Variants in DNAJB13 observed in about 807,000 individuals in gnomAD.
DNAJB13 encodes dnaJ homolog subfamily B member 13.
In DNAJB13, 22 loss-of-function variants were observed where a neutral mutation model predicts 35.6. The ratio of observed to expected loss-of-function variants is 0.62; its 90% CI spans 0.44 to 0.88. The LOEUF (loss-of-function observed/expected upper bound fraction) is 0.88. Among genes scored for constraint, DNAJB13 ranks in the 40% least tolerant of loss-of-function variants. The pLI is 0.00. For missense variants in DNAJB13, 370 were observed against 384.3 expected (o/e 0.96, Z 0.31); for synonymous variants, 136 against 144.2 (o/e 0.94, Z 0.41).
chr11:73,968,855 A>C (rs1951200896), intron 6 of DNAJB13, among the ~76,000 whole-genome samples: 1 of 151,636 alleles, frequency 6.6e-6, no homozygotes, highest in Non-Finnish European at 1.5e-5. Context: ...GCGCATTGTC[A>C]CACCTCCGTT....
Position 73,951,155 on chromosome 11 carries a change from C to T in DNAJB13, c.68+18C>T. 1 of 1,613,872 alleles carries T rather than the reference C, an allele frequency of 6.2e-7. No individual in the cohort carries two copies. Among genetic ancestry groups the T allele is most frequent in the South Asian group, 1.1e-5 (1 of 91,064 alleles). ...AAGCAGGCGTAAGTTGGGGTGGGAG[C>T]CAGGCCTTAGGGGTGTGCTGGGGCA... On this transcript the variant is annotated intron_variant, in intron 1 of 7. Transcript: ENST00000339764.
At chr11:73,957,867 G>A (rs1950800335) in intron 1 of DNAJB13, among the ~76,000 whole-genome samples, 1 of 152,228 alleles carries the variant, frequency 6.6e-6, no homozygotes, top group Non-Finnish European at 1.5e-5. Flanking sequence ...ATGAAGGGAA[G>A]GGAGCAGGGG....
At chr11:73,967,041 C>T (rs749483823) in intron 5 of DNAJB13, among the ~76,000 whole-genome samples, 16 of 152,084 alleles carry the variant, frequency 1.1e-4, no homozygotes, top group South Asian at 6.2e-4. Context: ...TTAGTAGAGA[C>T]GGGGTTTCAC....
rs182199375 is a variant in DNAJB13, at chr11:73,951,207, G to A, written c.68+70G>A. ...GCCCTGCCCTCTTCTCTTCCAAAAC[G>A]AGCTTTCCTGCACAGCTTAGCGCAG... On this transcript the variant is annotated intron_variant, in intron 1 of 7. Transcript: ENST00000339764. 1.5e-5 allele frequency: 23 copies of A among 1,574,500 alleles called. No homozygotes were observed. In the South Asian group the frequency reaches 1.6e-4, roughly 11 times the overall value.
At chr11:73,955,824 G>A (rs1950726825) in intron 1 of DNAJB13, among the ~76,000 whole-genome samples, 2 of 152,082 alleles carry the variant, frequency 1.3e-5, no homozygotes, top group Non-Finnish European at 2.9e-5. Flanking sequence ...AAAAATAACT[G>A]ACTGTGACCT....
chr11:73,959,969 T>A (rs2135307039), intron 3 of DNAJB13: 1 of 162,794 alleles, frequency 6.1e-6, no homozygotes, highest in East Asian at 1.7e-4. Context: ...TTCACCATGT[T>A]GCCCAGGCTG....
At chr11:73,965,389 C>T (rs981225766) in intron 4 of DNAJB13, 1 of 180,920 alleles carries the variant, frequency 5.5e-6, no homozygotes, top group Non-Finnish European at 1.2e-5. Context: ...AGACCATATT[C>T]CCAGGATTTC....
Position 73,958,314 on chromosome 11 carries a change from C to T in DNAJB13, c.69-3C>T, listed in dbSNP as rs767449214. 3.8e-5 allele frequency: 62 copies of T among 1,613,914 alleles called. No homozygotes were observed. Among genetic ancestry groups the T allele is most frequent in the Non-Finnish European group, 5.2e-5 (61 of 1,179,952 alleles). On this transcript the variant is annotated splice_region_variant and splice_polypyrimidine_tract_variant and intron_variant, in intron 1 of 7. Transcript: ENST00000339764. ...AGACTTGTATTAATTCTCCCTCTTC[C>T]AGGTACCGCAGACTCGCCCTTAAGC...
Position 73,958,436 on chromosome 11 carries a change from G to A in DNAJB13, c.172+16G>A. ...CTGAGTGACCGTGAGTAGGTGTGGG[G>A]CTGAGCACCCCGCTTGATTAGGATC... On this transcript the variant is annotated intron_variant, in intron 2 of 7. Coordinates refer to ENST00000339764, the MANE Select transcript of DNAJB13 (RefSeq NM_153614.4). The A allele has an allele frequency of 6.2e-7, 1 of 1,608,940 alleles. No individual in the cohort carries two copies. Among genetic ancestry groups the A allele is most frequent in the South Asian group, 1.1e-5 (1 of 90,948 alleles).
intron 1 of DNAJB13, among the ~76,000 whole-genome samples, chr11:73,957,776 A>T (rs1950796714): frequency 6.6e-6 from 1 of 152,166 alleles, no homozygotes; most frequent in Admixed American, 6.5e-5. Flanking sequence ...TCCTCCCAAG[A>T]TGCCTGTGTG....
chr11:73,965,083 C>T, intron 4 of DNAJB13, 48 bp downstream of exon 4: 1 of 1,518,998 alleles, frequency 6.6e-7, no homozygotes, highest in Non-Finnish European at 8.8e-7. Context: ...CTCCTGCAGC[C>T]TAGCAGCTGC....
intron 1 of DNAJB13, among the ~76,000 whole-genome samples, chr11:73,955,182 G>A (rs1429846575): frequency 1.3e-5 from 2 of 152,008 alleles, no homozygotes; most frequent in Non-Finnish European, 2.9e-5. Flanking sequence ...CAGCGTTCAA[G>A]CTGTGATTTC....
chr11:73,968,953 A>C (rs1238089986), intron 6 of DNAJB13, among the ~76,000 whole-genome samples: 2 of 151,974 alleles, frequency 1.3e-5, no homozygotes, highest in Non-Finnish European at 2.9e-5. Context: ...CACTGCTACC[A>C]CTTCCTGCCC....
Position 73,970,199 on chromosome 11 carries a change from G to C in DNAJB13, c.*85G>C, listed in dbSNP as rs188177227. 3,326 of 1,491,546 alleles carry C rather than the reference G, an allele frequency of 2.2e-3. 7 individuals carry two copies. The highest frequency in any genetic ancestry group is 2.7e-3 in the Non-Finnish European group (3,003 of 1,115,102). 92.4% of individuals were successfully genotyped at this position (1,491,546 alleles called of 1,614,324 possible). ...CGCCACAGCCTCAGGGTGTGCAGGG[G>C]AGCCTGCTGCACAGATATGATACAA... is the stretch of plus-strand genomic sequence containing the variant. On this transcript the variant is annotated 3_prime_UTR_variant, in exon 8 of 8. Transcript: ENST00000339764.
At chr11:73,959,419 C>G in intron 2 of DNAJB13, 75 bp from the exon 3 acceptor site, 1 of 1,529,396 alleles carries the variant, frequency 6.5e-7, no homozygotes, top group Non-Finnish European at 8.9e-7. Flanking sequence ...TCTCCATATC[C>G]GCCTGCTTCC....
intron 3 of DNAJB13, 166 bp downstream of exon 3, chr11:73,959,821 A>G (rs935164080): frequency 4.7e-6 from 3 of 635,718 alleles, no homozygotes; most frequent in Non-Finnish European, 6.8e-6. Flanking sequence ...GGAGTGCAGT[A>G]GTGGGATCAT....
chr11:73,967,010 A>G (rs1951136039), intron 5 of DNAJB13, among the ~76,000 whole-genome samples: 1 of 151,728 alleles, frequency 6.6e-6, no homozygotes, highest in Non-Finnish European at 1.5e-5. Context: ...GCACCACCAC[A>G]CCCGACTAAT....
intron 1 of DNAJB13, among the ~76,000 whole-genome samples, chr11:73,952,062 C>T (rs916897247): frequency 3.9e-5 from 6 of 152,188 alleles, no homozygotes; most frequent in Non-Finnish European, 7.3e-5. Flanking sequence ...AATCCGACAT[C>T]GACACTCCCT....
intron 3 of DNAJB13, chr11:73,963,828 T>C (rs1951005107): frequency 6.6e-6 from 1 of 152,178 alleles, no homozygotes; most frequent in African/African-American, 2.4e-5. Context: ...ATATGAAAAC[T>C]CTTAACCATA....
Sources: gnomAD v4.1 joint callset for allele counts (sites outside exome capture counted in the v4.1 genomes callset) on GRCh38, gnomAD v4.1.1 for gene constraint, MANE v1.5 for transcripts, NCBI Gene and HGNC (gene_info 2026-07-23, HGNC 2026-07-21) for gene names.